RAB27B: variants seen among roughly 807,000 people sequenced by gnomAD.
RAB27B encodes the protein ras-related protein Rab-27B.
Under a neutral mutation model 24.6 loss-of-function variants are expected in RAB27B, and 15 were observed. The ratio of observed to expected loss-of-function variants is 0.61; its 90% confidence interval spans 0.41 to 0.94. The LOEUF (loss-of-function observed/expected upper bound fraction) is 0.94, where lower values mean the gene tolerates loss of function less well. RAB27B is among the 40% of genes least tolerant of loss of function. The probability of loss-of-function intolerance (pLI) is 0.00; values close to 1 mark genes in which losing one functional copy is unlikely to be tolerated. For synonymous variants in RAB27B, 105 were observed against 92.5 expected (o/e 1.14, Z -0.78); for missense variants, 261 against 266.8 (o/e 0.98, Z 0.15).
rs545832147 is a variant in RAB27B at position 54,866,550 on chromosome 18, G to A, written c.-19-11017G>A. Among the ~76,000 whole-genome samples, 44 of 152,268 alleles carry A rather than the reference G, an allele frequency of 2.9e-4. 1 individual carries two copies. In the South Asian group the frequency reaches 8.3e-3, roughly 29 times the overall value. The stretch of plus-strand genomic sequence containing the variant: ...TGGCCTCAGGTGATCCGCCCGCTTC[G>A]GCCTCCCAAAGTACTGGGATTACTG... On this transcript the variant is annotated intron_variant, in intron 1 of 5. Coordinates refer to ENST00000262094, the MANE Select transcript of RAB27B (RefSeq NM_004163.4).
intron 3 of RAB27B, 27 bp from the exon 4 acceptor site, chr18:54,884,306 G>T: frequency 7.0e-7 from 1 of 1,421,542 alleles, no homozygotes; most frequent in South Asian, 1.2e-5. Flanking sequence ...CTAACTTTCA[G>T]AACTACCCAC....
intron 1 of RAB27B, among the ~76,000 whole-genome samples, chr18:54,850,209 C>A (rs1406889812): frequency 6.6e-6 from 1 of 151,416 alleles, no homozygotes; most frequent in African/African-American, 2.4e-5. Context: ...AAGAAGCAGA[C>A]TCCCAATTTT....
chr18:54,796,913 A>G (rs575763441), intron 2 of RAB27B, among the ~76,000 whole-genome samples: 1 of 152,216 alleles, frequency 6.6e-6, no homozygotes, highest in African/African-American at 2.4e-5. Context: ...GTTTGGCCAC[A>G]CAGTAGTTGG....
At chr18:54,800,949 A>T (rs549531557) in intron 2 of RAB27B, among the ~76,000 whole-genome samples, 6 of 151,562 alleles carry the variant, frequency 4.0e-5, no homozygotes, top group African/African-American at 1.2e-4. Flanking sequence ...CAGACCACTA[A>T]ATTTTATTTT....
intron 1 of RAB27B, among the ~76,000 whole-genome samples, chr18:54,848,861 G>A (rs1911443578): frequency 6.6e-6 from 1 of 152,072 alleles, no homozygotes; most frequent in Non-Finnish European, 1.5e-5. Flanking sequence ...AATCTTTGAT[G>A]ACATAGATCT....
At chr18:54,840,231 T>C (rs1911054900) in intron 1 of RAB27B, among the ~76,000 whole-genome samples, 1 of 152,226 alleles carries the variant, frequency 6.6e-6, no homozygotes, top group African/African-American at 2.4e-5. Context: ...CTTAGAACTT[T>C]ATTTCAGAGC....
intron 2 of RAB27B, chr18:54,744,633 A>G (rs1910177046): frequency 6.6e-6 from 1 of 152,266 alleles, no homozygotes; most frequent in Non-Finnish European, 1.5e-5. Flanking sequence ...CCCCATAATT[A>G]TGTACAATAA....
At chr18:54,770,355 T>A (rs780244144) in intron 2 of RAB27B, among the ~76,000 whole-genome samples, 2 of 152,098 alleles carry the variant, frequency 1.3e-5, no homozygotes, top group Non-Finnish European at 2.9e-5. Flanking sequence ...CGGCATTAGA[T>A]TCTCATAGGA....
chr18:54,845,757 G>A (rs556865548), intron 1 of RAB27B, among the ~76,000 whole-genome samples: 2 of 152,216 alleles, frequency 1.3e-5, no homozygotes, highest in Non-Finnish European at 2.9e-5. Context: ...TCTAATTGTT[G>A]TAAATATGTT....
chr18:54,794,746 C>T (rs953125505), intron 2 of RAB27B, among the ~76,000 whole-genome samples: 3 of 152,124 alleles, frequency 2.0e-5, no homozygotes, highest in African/African-American at 4.8e-5. Flanking sequence ...AGAAGTGGTC[C>T]CGTTTAGAGT....
intron 2 of RAB27B, among the ~76,000 whole-genome samples, chr18:54,726,639 T>G (rs1352485929): frequency 6.6e-6 from 1 of 151,712 alleles, no homozygotes; most frequent in Non-Finnish European, 1.5e-5. Context: ...GAAGGGCACA[T>G]AGGTTTAATT....
At chr18:54,765,585 T>C (rs1379182881) in intron 2 of RAB27B, among the ~76,000 whole-genome samples, 1 of 152,204 alleles carries the variant, frequency 6.6e-6, no homozygotes, top group Non-Finnish European at 1.5e-5. Flanking sequence ...TTGTACCTTA[T>C]GGAGACACTG....
intron 1 of RAB27B, among the ~76,000 whole-genome samples, chr18:54,832,532 TG>T (rs1163655016): frequency 1.3e-5 from 2 of 152,180 alleles, no homozygotes; most frequent in African/African-American, 4.8e-5. Context: ...TATAGAAATT[TG>T]AGAAGCAAGT....
rs959336623 is a variant in RAB27B, at chr18:54,892,015, G to A, written c.*2602G>A. ...TTCTCTCATTATTTCAGGATTAGTA[G>A]TTCTGTGTAATTCATTTTACAATTT... On this transcript the variant is annotated 3_prime_UTR_variant, in exon 6 of 6. Coordinates refer to ENST00000262094, the MANE Select transcript of RAB27B (RefSeq NM_004163.4). The A allele has an allele frequency of 3.9e-5, 6 of 151,994 alleles. No individual in the cohort carries two copies. The highest frequency in any genetic ancestry group is 1.4e-4 in the African/African-American group (6 of 41,402). The allele number at this position is 151,994 out of a possible 1,614,324, so 9.4% of individuals were successfully genotyped here.
intron 2 of RAB27B, among the ~76,000 whole-genome samples, chr18:54,767,275 T>C (rs1211150399): frequency 6.6e-6 from 1 of 152,170 alleles, no homozygotes; most frequent in Non-Finnish European, 1.5e-5. Context: ...GAAAGGCAAA[T>C]AACTCCACAT....
intron 2 of RAB27B, among the ~76,000 whole-genome samples, chr18:54,757,682 AG>A: frequency 6.6e-6 from 1 of 152,284 alleles, no homozygotes; most frequent in East Asian, 1.9e-4. Flanking sequence ...GGGACAAAAA[AG>A]ATTACTTATT....
chr18:54,736,357 A>T (rs1909892917), intron 2 of RAB27B, among the ~76,000 whole-genome samples: 1 of 152,216 alleles, frequency 6.6e-6, no homozygotes, highest in Non-Finnish European at 1.5e-5. Flanking sequence ...GATGTTATTA[A>T]AATGGAGATA....
At chr18:54,725,362 A>G (rs1187827048) in intron 2 of RAB27B, among the ~76,000 whole-genome samples, 1 of 151,414 alleles carries the variant, frequency 6.6e-6, no homozygotes, top group African/African-American at 2.4e-5. Context: ...TTTACTAAGG[A>G]TTCAAGTTTC....
chr18:54,736,977 T>C (rs1909916299), intron 2 of RAB27B, among the ~76,000 whole-genome samples: 1 of 152,162 alleles, frequency 6.6e-6, no homozygotes, highest in Non-Finnish European at 1.5e-5. Context: ...TTTTAAATGT[T>C]ATTTCCTTTT....
Sources: allele counts gnomAD v4.1 joint callset (sites outside exome capture counted in the v4.1 genomes callset), GRCh38; gene constraint gnomAD v4.1.1; transcripts MANE v1.5; gene names NCBI Gene and HGNC (gene_info 2026-07-23, HGNC 2026-07-21).